CPSF2: variants seen among roughly 807,000 people sequenced by gnomAD.
CPSF2 encodes cleavage and polyadenylation specificity factor subunit 2.
Under a neutral mutation model 84.2 loss-of-function variants are expected in CPSF2, and 51 were observed. The ratio of observed to expected loss-of-function variants is 0.61; its 90% CI spans 0.48 to 0.77. The LOEUF is 0.77. CPSF2 is among the 30% of genes least tolerant of loss of function. The pLI is 0.00. For missense variants in CPSF2, 641 were observed against 929.4 expected (o/e 0.69, Z 4.03); for synonymous variants, 286 against 311.9 (o/e 0.92, Z 0.87).
In CPSF2 at chr14:92,155,105, A is replaced by G. The variant is rs763901713; in HGVS notation, c.1242-18A>G. On this transcript the variant is annotated intron_variant, in intron 10 of 15. Transcript: ENST00000298875. Reference sequence around the variant, plus strand: ...CTTTGAAACTTTATGACCTTGATCTATTCTAAAATCCTCCTAGGGCAGATA... The same window carrying G: ...CTTTGAAACTTTATGACCTTGATCTGTTCTAAAATCCTCCTAGGGCAGATA... 19 of 1,560,842 alleles carry G rather than the reference A, an allele frequency of 1.2e-5. No individual in the cohort carries two copies. The highest frequency in any genetic ancestry group is 6.7e-5 in the South Asian group (6 of 89,844).
intron 9 of CPSF2, among the ~76,000 whole-genome samples, chr14:92,144,742 G>A (rs543278248): frequency 3.9e-5 from 6 of 152,136 alleles, no homozygotes; most frequent in African/African-American, 1.2e-4. Flanking sequence ...CATCTCAAAA[G>A]GGGACCCCAT....
At chr14:92,142,419 T>A in intron 8 of CPSF2, 68 bp downstream of exon 8, 2 of 1,253,226 alleles carry the variant, frequency 1.6e-6, no homozygotes, top group Non-Finnish European at 2.2e-6. Context: ...GTGGGCGTCT[T>A]AAATGTTTTT....
chr14:92,147,903 T>A (rs1380480550), intron 9 of CPSF2, among the ~76,000 whole-genome samples: 5 of 151,926 alleles, frequency 3.3e-5, no homozygotes, highest in Non-Finnish European at 7.4e-5. Flanking sequence ...TAAAAAAAAA[T>A]TTATAGAGAT....
intron 6 of CPSF2, among the ~76,000 whole-genome samples, chr14:92,136,435 A>G (rs927553841): frequency 3.9e-5 from 6 of 152,220 alleles, no homozygotes; most frequent in Admixed American, 3.3e-4. Flanking sequence ...GCAAACTGAC[A>G]AACTGTGTCT....
Position 92,157,552 on chromosome 14 carries a change from CAT to C in CPSF2, c.1596-106_1596-105del, listed in dbSNP as rs67371039. The C allele has an allele frequency of 0.17, 117,602 of 685,262 alleles. 11,479 individuals are homozygous for C. Among genetic ancestry groups the C allele is most frequent in the East Asian group, 0.36 (13,246 of 36,730 alleles). The allele number at this position is 685,262 out of a possible 1,614,324, so 42.4% of individuals were successfully genotyped here. On this transcript the variant is annotated intron_variant, in intron 12 of 15. Coordinates refer to ENST00000298875, the MANE Select transcript of CPSF2 (RefSeq NM_017437.3). The surrounding 1 kb of genome is among the most constrained non-coding windows in gnomAD (Gnocchi z 4.0). ...AAAATAAATCATACAGATACTATAA[CAT>C]GTGTATTTCTCAAATCCTAGTGTTA...
intron 10 of CPSF2, among the ~76,000 whole-genome samples, chr14:92,154,751 T>C (rs1306370075): frequency 1.3e-5 from 2 of 152,216 alleles, no homozygotes; most frequent in Non-Finnish European, 2.9e-5. Flanking sequence ...TTAGTCATTG[T>C]GCAAACATTA....
chr14:92,158,938 G>A lies in CPSF2; in HGVS notation c.1822-45G>A, dbSNP rs377578953. ...TAGGTTATATTTAATTTGTTAATAT[G>A]TATTCTGTGGGTTTTATTTCTCTCC... On this transcript the variant is annotated intron_variant, in intron 13 of 15. Coordinates refer to ENST00000298875, the MANE Select transcript of CPSF2 (RefSeq NM_017437.3). 96 of 1,468,542 alleles carry A rather than the reference G, an allele frequency of 6.5e-5. No homozygotes were observed. In the African/African-American group the frequency reaches 9.5e-4, roughly 15 times the overall value. The allele number at this position is 1,468,542 out of a possible 1,614,324, so 91.0% of individuals were successfully genotyped here. A position where few individuals can be genotyped will look rare whatever the true frequency, so the allele number is the denominator to read the frequency against.
chr14:92,164,707 G>C lies in CPSF2; in HGVS notation c.*2963G>C, dbSNP rs536706892. 2.0e-5 allele frequency: 3 copies of C among 152,200 alleles called. No homozygotes were observed. In the East Asian group the frequency reaches 5.8e-4, roughly 29 times the overall value. 9.4% of individuals were successfully genotyped at this position (152,200 alleles called of 1,614,324 possible). On this transcript the variant is annotated 3_prime_UTR_variant, in exon 16 of 16. Transcript: ENST00000298875. Reference sequence around the variant, plus strand: ...TTTCTATATTTTTAGAAATATCTTGGGTGGCCTGAAACAGAAGTGAGGAAA... The same window carrying C: ...TTTCTATATTTTTAGAAATATCTTGCGTGGCCTGAAACAGAAGTGAGGAAA...
In CPSF2 at chr14:92,162,164, C is replaced by CA. The variant is rs542752289; in HGVS notation, c.*430dup. ...AGAATTATTTAGAAAAGACATGCTC[C>CA]AAAAAAAAAACAAAACTGATAAAAC... On this transcript the variant is annotated 3_prime_UTR_variant, in exon 16 of 16. Transcript: ENST00000298875. 6.7e-4 allele frequency: 95 copies of CA among 141,170 alleles called. No individual in the cohort carries two copies. The highest frequency in any genetic ancestry group is 7.0e-3 in the Middle Eastern group (2 of 286). The allele number at this position is 141,170 out of a possible 1,614,324, so 8.7% of individuals were successfully genotyped here.
At chr14:92,134,916 C>G (rs1369069315) in intron 5 of CPSF2, among the ~76,000 whole-genome samples, 2 of 151,134 alleles carry the variant, frequency 1.3e-5, no homozygotes, top group Non-Finnish European at 2.9e-5. Context: ...GAAATAACAA[C>G]AGTCTCAACA....
chr14:92,169,184 T>C lies in CPSF2; in HGVS notation c.*7440T>C, dbSNP rs555298839. On this transcript the variant is annotated 3_prime_UTR_variant, in exon 16 of 16. Transcript: ENST00000298875. ...CAAGGGTGCTGCCACTGCCCTTGTT[T>C]TAAATATTTTTGGAACTTCATTTCT... is the stretch of plus-strand genomic sequence containing the variant. The C allele has an allele frequency of 1.1e-4, 17 of 152,352 alleles. No individual in the cohort carries two copies. In the East Asian group the frequency reaches 3.3e-3, roughly 29 times the overall value. 9.4% of individuals were successfully genotyped at this position (152,352 alleles called of 1,614,324 possible). A position where few individuals can be genotyped will look rare whatever the true frequency, so the allele number is the denominator to read the frequency against.
At chr14:92,139,594 A>G (rs911888958) in intron 7 of CPSF2, among the ~76,000 whole-genome samples, 1 of 142,662 alleles carries the variant, frequency 7.0e-6, no homozygotes, top group Non-Finnish European at 1.5e-5. Context: ...GCTGGAGTGC[A>G]GTGGCACAGT....
intron 9 of CPSF2, among the ~76,000 whole-genome samples, chr14:92,146,881 GTTC>G (rs1357881805): frequency 6.6e-6 from 1 of 152,158 alleles, no homozygotes; most frequent in African/African-American, 2.4e-5. Flanking sequence ...TGTACTAGCT[GTTC>G]TTCTGCCTAT....
intron 2 of CPSF2, among the ~76,000 whole-genome samples, chr14:92,126,553 G>A (rs2068848031): frequency 6.6e-6 from 1 of 152,210 alleles, no homozygotes; most frequent in African/African-American, 2.4e-5. Context: ...TCTCACACCT[G>A]TAATTCCAGC....
At position 92,143,910 on chromosome 14, in the gene CPSF2, A is replaced by G. The variant is rs995984859; in HGVS notation, c.1140+616A>G. ...GGTAAGCATATACAGGGTTTTCTCA[A>G]TCTGTGAAAGGTTCCTTTCCTGTCT... On this transcript the variant is annotated intron_variant, in intron 9 of 15. Transcript: ENST00000298875. Among the ~76,000 whole-genome samples the G allele has an allele frequency of 7.2e-5, 11 of 152,196 alleles. 1 individual carries two copies. The South Asian group carries it at 1.9e-3, about 26-fold the overall frequency.
chr14:92,138,874 T>G (rs2069036085), intron 7 of CPSF2, among the ~76,000 whole-genome samples: 1 of 151,828 alleles, frequency 6.6e-6, no homozygotes, highest in Non-Finnish European at 1.5e-5. Context: ...TGGGAATGAC[T>G]GTATTCTGTT....
rs1447687751 is a variant in CPSF2, at chr14:92,170,185, G to A, written c.*8441G>A. ...ATTCCTAACAGCTCAAATACTACTTGTCTTATTTGTTAACTATTTTGAAAT... is the reference window on the plus strand; with the variant it reads ...ATTCCTAACAGCTCAAATACTACTTATCTTATTTGTTAACTATTTTGAAAT... On this transcript the variant is annotated 3_prime_UTR_variant, in exon 16 of 16. Coordinates refer to ENST00000298875, the MANE Select transcript of CPSF2 (RefSeq NM_017437.3). 2.0e-5 allele frequency: 3 copies of A among 152,108 alleles called. No homozygotes were observed. The highest frequency in any genetic ancestry group is 4.4e-5 in the Non-Finnish European group (3 of 68,012). 9.4% of individuals were successfully genotyped at this position (152,108 alleles called of 1,614,324 possible).
chr14:92,131,714 CTAT>C (rs2068933547), intron 3 of CPSF2, among the ~76,000 whole-genome samples: 1 of 151,862 alleles, frequency 6.6e-6, no homozygotes, highest in Non-Finnish European at 1.5e-5. Flanking sequence ...TGGTGTGCAC[CTAT>C]AATCCCAGCT....
chr14:92,133,788 G>A (rs186264605), intron 3 of CPSF2, among the ~76,000 whole-genome samples: 110 of 152,218 alleles, frequency 7.2e-4, no homozygotes, highest in African/African-American at 2.6e-3. Flanking sequence ...TAAAATGTGT[G>A]TACACACCAT....
Sources: gnomAD v4.1 joint callset for allele counts (sites outside exome capture counted in the v4.1 genomes callset) on GRCh38, gnomAD v4.1.1 for gene constraint, Gnocchi (gnomAD v3.1) non-coding constraint, MANE v1.5 for transcripts, NCBI Gene and HGNC (gene_info 2026-07-23, HGNC 2026-07-21) for gene names.